The following RAB40A variants were observed in gnomAD, a reference collection of about 807,000 sequenced individuals.
The protein encoded by RAB40A is RAB40A, member RAS oncogene family, also known as ras-related protein Rab-40A.
For synonymous variants in RAB40A, 65 were observed against 99.9 expected (o/e 0.65, Z 2.08); for missense variants, 145 against 230.2 (o/e 0.63, Z 2.40).
In RAB40A at chrX:103,500,313, C is replaced by T; in HGVS notation, c.444G>A (p.Leu148=). 8.2e-7 allele frequency: 1 copy of T among 1,212,154 alleles called. No homozygotes were observed. The highest frequency in any genetic ancestry group is 1.1e-6 in the Non-Finnish European group (1 of 895,561). The change falls in exon 3 of 3, where the codon CTG becomes CTA. Residue 148 remains leucine (L), a synonymous_variant. Coordinates refer to ENST00000304236, the MANE Select transcript of RAB40A (RefSeq NM_080879.3). ...REQAQAYAER[L]GVTFFEVSPL... ...GGCTGACCTCAAAGAAGGTCACACC[C>T]AGGCGCTCGGCGTAGGCCTGGGCCT... is the stretch of plus-strand genomic sequence containing the variant.
Position 103,499,714 on chromosome X carries a change from G to A in RAB40A, c.*209C>T. 3 of 475,806 alleles carry A rather than the reference G, an allele frequency of 6.3e-6. No individual in the cohort carries two copies. The highest frequency in any genetic ancestry group is 1.1e-5 in the Non-Finnish European group (3 of 272,861). 39.2% of individuals were successfully genotyped at this position (475,806 alleles called of 1,213,427 possible). On this transcript the variant is annotated 3_prime_UTR_variant, in exon 3 of 3. Transcript: ENST00000304236. ...CTTTATAAACACACGTTTAAAACAAGAGCTTCATGCACATCCAAATAGAAA... is the reference window on the plus strand; with the variant it reads ...CTTTATAAACACACGTTTAAAACAAAAGCTTCATGCACATCCAAATAGAAA...
intron 2 of RAB40A, chrX:103,502,864 T>G (rs947730318): frequency 1.3e-6 from 1 of 762,202 alleles, no homozygotes; most frequent in African/African-American, 2.3e-5. Context: ...TGAGAAAACC[T>G]GTTGAGAGTA....
At chrX:103,518,976 G>A (rs1156400156) in intron 1 of RAB40A, among the ~76,000 whole-genome samples, 3 of 111,437 alleles carry the variant, frequency 2.7e-5, no homozygotes, top group East Asian at 2.8e-4. Flanking sequence ...CAGAAAAATC[G>A]AGGTGAAAAA....
the RAB40A span, among the ~76,000 whole-genome samples, chrX:103,493,445 C>CT: frequency 9.0e-6 from 1 of 111,486 alleles, no homozygotes; most frequent in Non-Finnish European, 1.9e-5. Flanking sequence ...CAATTATACT[C>CT]TTTTAGTTAT....
chrX:103,516,289 T>G (rs1024578543), intron 2 of RAB40A, among the ~76,000 whole-genome samples: 3 of 111,909 alleles, frequency 2.7e-5, no homozygotes, highest in African/African-American at 9.7e-5. Context: ...AGTGTGAAAG[T>G]GGTACACATT....
chrX:103,499,167 G>A lies in RAB40A; in HGVS notation c.*756C>T, dbSNP rs1430090047. ...AAGAAACATTTTCTCAAATAAGTAC[G>A]TATTTCATTCCTTACTGAAATGGTT... On this transcript the variant is annotated 3_prime_UTR_variant, in exon 3 of 3. Transcript: ENST00000304236. The A allele has an allele frequency of 8.5e-6, 1 of 117,314 alleles. No individual in the cohort carries two copies. The highest frequency in any genetic ancestry group is 1.9e-5 in the Non-Finnish European group (1 of 53,320). The allele number at this position is 117,314 out of a possible 1,213,427, so 9.7% of individuals were successfully genotyped here.
At chrX:103,507,541 A>C (rs747433873) in intron 2 of RAB40A, among the ~76,000 whole-genome samples, 1 of 110,963 alleles carries the variant, frequency 9.0e-6, no homozygotes, top group East Asian at 2.8e-4. Flanking sequence ...AGGAGATTAG[A>C]GCACTCAGAG....
chrX:103,496,436 A>G (rs2073172231), downstream of RAB40A, among the ~76,000 whole-genome samples: 1 of 112,141 alleles, frequency 8.9e-6, no homozygotes, highest in Non-Finnish European at 1.9e-5. Flanking sequence ...AGACTGCAAG[A>G]GTTCCCTCTA....
chrX:103,509,235 A>G (rs1273966327), intron 2 of RAB40A, among the ~76,000 whole-genome samples: 1 of 110,162 alleles, frequency 9.1e-6, no homozygotes, highest in African/African-American at 3.3e-5. Flanking sequence ...AATTTCAAGG[A>G]ATTGAAGTTT....
intron 2 of RAB40A, among the ~76,000 whole-genome samples, chrX:103,510,468 A>G (rs1603134187): frequency 8.9e-6 from 1 of 112,570 alleles, no homozygotes; most frequent in East Asian, 2.8e-4. Context: ...CCTGATATTT[A>G]CTCACAACCT....
chrX:103,505,024 A>T (rs1317024866), intron 2 of RAB40A, among the ~76,000 whole-genome samples: 1 of 112,243 alleles, frequency 8.9e-6, no homozygotes, highest in Non-Finnish European at 1.9e-5. Context: ...TGCCCTTACA[A>T]GTCATTATAC....
intron 2 of RAB40A, among the ~76,000 whole-genome samples, chrX:103,516,797 A>G (rs976680899): frequency 4.5e-5 from 5 of 111,895 alleles, no homozygotes; most frequent in African/African-American, 1.6e-4. Flanking sequence ...AAGCTGTTAT[A>G]ATTATATGTA....
intron 2 of RAB40A, chrX:103,503,079 A>G (rs1190644249): frequency 1.3e-6 from 1 of 750,697 alleles, no homozygotes; most frequent in Non-Finnish European, 1.6e-6. Flanking sequence ...TGTTCTCTAC[A>G]TTCTTGGATG....
chrX:103,503,103 T>C (rs1159645480), intron 2 of RAB40A: 5 of 751,763 alleles, frequency 6.7e-6, no homozygotes, highest in Non-Finnish European at 7.8e-6. Context: ...CATAATCTAA[T>C]AAAAGCTGTT....
chrX:103,516,258 A>G (rs2073316035), intron 2 of RAB40A, among the ~76,000 whole-genome samples: 3 of 111,938 alleles, frequency 2.7e-5, no homozygotes, highest in Non-Finnish European at 5.6e-5. Flanking sequence ...GTTTTGACTT[A>G]TAATTTTTCA....
chrX:103,508,221 A>G lies in RAB40A; in HGVS notation c.-70-7395T>C, dbSNP rs554664001. On this transcript the variant is annotated intron_variant, in intron 2 of 2. Transcript: ENST00000304236. Reference sequence around the variant, plus strand: ...TCATCACCCAGAGGGGTTGTAGAGTAAGGACCTGTGGGGCCACAATAGCAG... The same window carrying G: ...TCATCACCCAGAGGGGTTGTAGAGTGAGGACCTGTGGGGCCACAATAGCAG... 2.7e-5 allele frequency among the ~76,000 whole-genome samples: 3 copies of G among 111,913 alleles called. No individual in the cohort carries two copies. In the South Asian group the frequency reaches 1.1e-3, roughly 42 times the overall value.
intron 1 of RAB40A, among the ~76,000 whole-genome samples, chrX:103,518,404 A>C (rs1340387603): frequency 9.1e-6 from 1 of 110,453 alleles, no homozygotes; most frequent in Admixed American, 9.7e-5. Flanking sequence ...GCAATGAGCA[A>C]CTCTAGTGCC....
At chrX:103,506,938 T>C (rs1308988257) in intron 2 of RAB40A, among the ~76,000 whole-genome samples, 1 of 112,220 alleles carries the variant, frequency 8.9e-6, no homozygotes, top group East Asian at 2.8e-4. Context: ...TCTAAAAAAA[T>C]GGGATACATG....
At chrX:103,502,553 A>G (rs1399339335) in intron 2 of RAB40A, 2 of 191,453 alleles carry the variant, frequency 1.0e-5, no homozygotes, top group Non-Finnish European at 1.7e-5. Flanking sequence ...TCCCACACCC[A>G]GTCTCTTGGC....
Sources: allele counts gnomAD v4.1 joint callset (sites outside exome capture counted in the v4.1 genomes callset), GRCh38; gene constraint gnomAD v4.1.1; transcripts MANE v1.5; gene names NCBI Gene and HGNC (gene_info 2026-07-23, HGNC 2026-07-21).